The following IL19 variants were observed in gnomAD, a reference collection of about 807,000 sequenced individuals.
IL19 encodes the protein interleukin-19.
In IL19, 15 loss-of-function variants were observed where a neutral mutation model predicts 19.5. The observed-to-expected ratio is 0.77, with a 90% CI of 0.52 to 1.19. The LOEUF (loss-of-function observed/expected upper bound fraction) is 1.19. Ranked by LOEUF, IL19 falls within the 50% of genes most tolerant of loss-of-function variation. The pLI is 0.00. For synonymous variants in IL19, 78 were observed against 78.3 expected (o/e 1.00, Z 0.02); for missense variants, 199 against 213.1 (o/e 0.93, Z 0.41).
At chr1:206,809,888 C>G (rs1057011986) in intron 2 of IL19, among the ~76,000 whole-genome samples, 1 of 152,240 alleles carries the variant, frequency 6.6e-6, no homozygotes, top group Non-Finnish European at 1.5e-5. Context: ...TCAGCAATCA[C>G]CACCAGGTGT....
intron 2 of IL19, among the ~76,000 whole-genome samples, chr1:206,802,149 A>C (rs1675728112): frequency 6.6e-6 from 1 of 152,200 alleles, no homozygotes; most frequent in Admixed American, 6.5e-5. Flanking sequence ...GCACTGATCC[A>C]TAGAGAAGGG....
intron 1 of IL19, among the ~76,000 whole-genome samples, chr1:206,787,039 C>A (rs994297704): frequency 2.0e-5 from 3 of 152,194 alleles, no homozygotes; most frequent in African/African-American, 7.2e-5. Flanking sequence ...GACATTTGCA[C>A]TCCCAAATGC....
In IL19 at chr1:206,821,999, C is replaced by T. The variant is rs79676707; in HGVS notation, c.-2-14662C>T. Among the ~76,000 whole-genome samples, 37 of 152,296 alleles carry T rather than the reference C, an allele frequency of 2.4e-4. No homozygotes were observed. In the South Asian group the frequency reaches 3.5e-3, roughly 14 times the overall value. The stretch of plus-strand genomic sequence containing the variant: ...AAGCTGACAAGTCCCAGAGTTCTCT[C>T]GTCATGTCCGTGCCCCACCGTGCCT... On this transcript the variant is annotated intron_variant, in intron 2 of 6. Transcript: ENST00000659997.
At chr1:206,798,834 G>C (rs1377072927) in intron 1 of IL19, 27 bp from the exon 2 acceptor site, 15 of 1,275,514 alleles carry the variant, frequency 1.2e-5, no homozygotes, top group Non-Finnish European at 1.7e-5. Context: ...TTTTTGTAAT[G>C]ATGACTCTCT....
At chr1:206,792,153 G>T (rs1675422556) in intron 1 of IL19, among the ~76,000 whole-genome samples, 1 of 152,206 alleles carries the variant, frequency 6.6e-6, no homozygotes, top group African/African-American at 2.4e-5. Context: ...GAGAAAGCCT[G>T]GGGAACAGCA....
chr1:206,813,345 C>G (rs1268490946), intron 2 of IL19, among the ~76,000 whole-genome samples: 1 of 152,184 alleles, frequency 6.6e-6, no homozygotes, highest in South Asian at 2.1e-4. Context: ...GAGTGTTACC[C>G]CAGAGAAGCT....
At position 206,772,302 on chromosome 1, in the gene IL19, C is replaced by T. The variant is rs550164520; in HGVS notation, c.-149+1224C>T. 4.5e-5 allele frequency: 73 copies of T among 1,614,156 alleles called. No individual in the cohort carries two copies. Among genetic ancestry groups the T allele is most frequent in the Non-Finnish European group, 5.9e-5 (70 of 1,180,004 alleles). ...AGTCTTCACTCTGCTGAAGGCATCT[C>T]GGAGATCTCGAAGCATGTTAGGCAG... On this transcript the variant is annotated intron_variant, in intron 1 of 6. Transcript: ENST00000659997.
rs377175850 is a variant in IL19, at chr1:206,771,277, T to C, written c.-149+199T>C. ...TTCAAAGCGAAGGAAACAAACCCAA[T>C]TCCCTGCAATCAGGAAGCAGAGTCT... On this transcript the variant is annotated intron_variant, in intron 1 of 6. Coordinates refer to ENST00000659997, the MANE Select transcript of IL19 (RefSeq NM_153758.5). 9.1e-5 allele frequency: 122 copies of C among 1,347,192 alleles called. 6 individuals are homozygous for C. Among genetic ancestry groups the C allele is most frequent in the East Asian group, 5.7e-4 (25 of 43,624 alleles). The allele number at this position is 1,347,192 out of a possible 1,614,324, so 83.5% of individuals were successfully genotyped here. A position where few individuals can be genotyped will look rare whatever the true frequency, so the allele number is the denominator to read the frequency against.
chr1:206,832,728 G>A (rs1003403747), intron 2 of IL19, among the ~76,000 whole-genome samples: 2 of 152,124 alleles, frequency 1.3e-5, no homozygotes, highest in Admixed American at 6.5e-5. Flanking sequence ...CTACCAAGAA[G>A]AGAAGGGAGA....
At chr1:206,805,875 G>A (rs548225265) in intron 2 of IL19, among the ~76,000 whole-genome samples, 19 of 152,304 alleles carry the variant, frequency 1.2e-4, no homozygotes, top group African/African-American at 4.3e-4. Flanking sequence ...GTTCAAACCA[G>A]CTTAAACAAA....
intron 2 of IL19, among the ~76,000 whole-genome samples, chr1:206,818,887 A>C (rs1209186287): frequency 6.8e-6 from 1 of 146,260 alleles, no homozygotes. Context: ...ATCTTGGCTC[A>C]CTGCAACCTC....
At chr1:206,785,569 T>C (rs1190712601) in intron 1 of IL19, among the ~76,000 whole-genome samples, 2 of 152,158 alleles carry the variant, frequency 1.3e-5, no homozygotes, top group Admixed American at 6.5e-5. Flanking sequence ...GAGCAGAAGG[T>C]TAGCATTTCA....
intron 5 of IL19, chr1:206,840,359 G>A (rs139054475): frequency 2.8e-4 from 106 of 382,160 alleles, no homozygotes; most frequent in African/African-American, 2.0e-3. Context: ...AAACCTCTGG[G>A]TAGTTCCTTG....
chr1:206,783,876 C>T (rs1046770670), intron 1 of IL19, among the ~76,000 whole-genome samples: 6 of 152,132 alleles, frequency 3.9e-5, no homozygotes, highest in South Asian at 4.1e-4. Flanking sequence ...TTGGTGCTGT[C>T]GTAGTGTTGC....
chr1:206,774,299 G>A (rs1447235810), intron 1 of IL19, among the ~76,000 whole-genome samples: 3 of 152,252 alleles, frequency 2.0e-5, no homozygotes, highest in Non-Finnish European at 2.9e-5. Context: ...GAGCCTGCTA[G>A]AAACTAGTAT....
At chr1:206,796,208 T>A (rs1675519735) in intron 1 of IL19, among the ~76,000 whole-genome samples, 1 of 152,184 alleles carries the variant, frequency 6.6e-6, no homozygotes, top group South Asian at 2.1e-4. Flanking sequence ...TTTCCCCTAC[T>A]TTTTTGTTCT....
intron 2 of IL19, among the ~76,000 whole-genome samples, chr1:206,822,837 A>G (rs1676320664): frequency 6.6e-6 from 1 of 152,112 alleles, no homozygotes; most frequent in African/African-American, 2.4e-5. Flanking sequence ...AGCTGAATGA[A>G]TGTGTAAGTG....
chr1:206,837,190 C>T (rs1033641815), intron 4 of IL19, among the ~76,000 whole-genome samples, 167 bp downstream of exon 4: 1 of 152,100 alleles, frequency 6.6e-6, no homozygotes, highest in Admixed American at 6.6e-5. Flanking sequence ...GCTAGTGTCC[C>T]AGGGATATGT....
intron 2 of IL19, among the ~76,000 whole-genome samples, chr1:206,833,375 A>G (rs1030343220): frequency 6.6e-6 from 1 of 152,236 alleles, no homozygotes; most frequent in Non-Finnish European, 1.5e-5. Flanking sequence ...TTTGGCTATT[A>G]TCTTTCTCTC....
Sources: gnomAD v4.1 joint callset for allele counts (sites outside exome capture counted in the v4.1 genomes callset) on GRCh38, gnomAD v4.1.1 for gene constraint, MANE v1.5 for transcripts, NCBI Gene and HGNC (gene_info 2026-07-23, HGNC 2026-07-21) for gene names.